BRINP3: variants seen among roughly 807,000 people sequenced by gnomAD.
BRINP3 encodes the protein BMP/retinoic acid inducible neural specific 3.
Under a neutral mutation model 71.0 loss-of-function variants are expected in BRINP3, and 19 were observed. That is an observed-to-expected ratio of 0.27 (90% CI 0.19 to 0.39). The LOEUF (loss-of-function observed/expected upper bound fraction) is 0.39. Ranked by LOEUF, BRINP3 falls within the 10% of genes least tolerant of loss-of-function variation. The probability of loss-of-function intolerance (pLI) is 1.00; values close to 1 mark genes in which losing one functional copy is unlikely to be tolerated. For synonymous variants in BRINP3, 380 were observed against 337.7 expected (o/e 1.13, Z -1.37); for missense variants, 959 against 940.8 (o/e 1.02, Z -0.25).
At chr1:190,468,718 A>G (rs1489936280) in intron 1 of BRINP3, among the ~76,000 whole-genome samples, 1 of 151,164 alleles carries the variant, frequency 6.6e-6, no homozygotes, top group African/African-American at 2.4e-5. Context: ...GCAAAATTGT[A>G]TATCTTTTGG....
chr1:190,188,638 ATGTAT>A (rs1653755293), intron 6 of BRINP3, among the ~76,000 whole-genome samples: 1 of 152,030 alleles, frequency 6.6e-6, no homozygotes. Flanking sequence ...TGTTCAGCTA[ATGTAT>A]TGTATCACAT....
chr1:190,420,641 G>T (rs1007905786), intron 2 of BRINP3, among the ~76,000 whole-genome samples: 11 of 151,842 alleles, frequency 7.2e-5, no homozygotes, highest in African/African-American at 2.4e-4. Context: ...TGGAGAAATG[G>T]CAACTTTCAT....
chr1:190,354,467 C>T (rs1662103), intron 2 of BRINP3, among the ~76,000 whole-genome samples: 113,623 of 151,178 alleles, frequency 0.75, 42,888 homozygotes, highest in Non-Finnish European at 0.79. Flanking sequence ...GCAGAGGGCT[C>T]GTCACTTAAA....
At chr1:190,272,781 A>G (rs540616925) in intron 3 of BRINP3, among the ~76,000 whole-genome samples, 5 of 151,640 alleles carry the variant, frequency 3.3e-5, no homozygotes, top group African/African-American at 1.2e-4. Context: ...TCTCTACAGT[A>G]TAATTTTAAT....
chr1:190,344,402 G>A (rs1293543361), intron 2 of BRINP3, among the ~76,000 whole-genome samples: 2 of 151,810 alleles, frequency 1.3e-5, no homozygotes, highest in Non-Finnish European at 3.0e-5. Context: ...CTACAGAGCT[G>A]TACTTCAACT....
At chr1:190,291,300 C>T (rs1286612977) in intron 2 of BRINP3, among the ~76,000 whole-genome samples, 1 of 151,928 alleles carries the variant, frequency 6.6e-6, no homozygotes, top group Non-Finnish European at 1.5e-5. Flanking sequence ...GTGCAGAGAA[C>T]ACAAGCACAG....
intron 2 of BRINP3, among the ~76,000 whole-genome samples, chr1:190,337,274 T>C (rs1185945623): frequency 1.3e-5 from 2 of 152,040 alleles, no homozygotes; most frequent in African/African-American, 2.4e-5. Flanking sequence ...TTTGTTGCCT[T>C]CTGTTGACTT....
At chr1:190,366,250 A>G (rs915219974) in intron 2 of BRINP3, among the ~76,000 whole-genome samples, 3 of 152,166 alleles carry the variant, frequency 2.0e-5, no homozygotes, top group Admixed American at 6.5e-5. Flanking sequence ...GGAAACTGTC[A>G]TGGCAGAAGA....
At chr1:190,364,623 A>G (rs61818781) in intron 2 of BRINP3, among the ~76,000 whole-genome samples, 12,166 of 152,008 alleles carry the variant, frequency 0.08, 666 homozygotes, top group Non-Finnish European at 0.12. Context: ...TATATATTTT[A>G]TGTAAAATTA....
At chr1:190,108,828 G>A (rs935846566) in intron 7 of BRINP3, among the ~76,000 whole-genome samples, 4 of 151,686 alleles carry the variant, frequency 2.6e-5, no homozygotes, top group African/African-American at 9.7e-5. Context: ...CTCTTTGGAT[G>A]ATATCAGCAA....
chr1:190,248,418 T>C (rs1659812477), intron 4 of BRINP3, among the ~76,000 whole-genome samples: 1 of 151,660 alleles, frequency 6.6e-6, no homozygotes, highest in Non-Finnish European at 1.5e-5. Flanking sequence ...GAAAATTATA[T>C]TTCACCAAAA....
intron 1 of BRINP3, among the ~76,000 whole-genome samples, chr1:190,475,311 G>T (rs954314660): frequency 1.3e-5 from 2 of 152,116 alleles, no homozygotes; most frequent in African/African-American, 2.4e-5. Context: ...AACGCAAAAA[G>T]GTACTAAGAG....
chr1:190,345,365 A>G (rs1250423522), intron 2 of BRINP3, among the ~76,000 whole-genome samples: 1 of 151,796 alleles, frequency 6.6e-6, no homozygotes, highest in Non-Finnish European at 1.5e-5. Context: ...TAGAGCTCAG[A>G]ATCGAAATAA....
chr1:190,437,413 T>A (rs1674535513), intron 2 of BRINP3, among the ~76,000 whole-genome samples: 1 of 151,854 alleles, frequency 6.6e-6, no homozygotes, highest in African/African-American at 2.4e-5. Flanking sequence ...ATAACTTCAC[T>A]TAATCCTTCT....
At chr1:190,111,038 C>T (rs558638728) in intron 7 of BRINP3, among the ~76,000 whole-genome samples, 2 of 151,448 alleles carry the variant, frequency 1.3e-5, no homozygotes, top group African/African-American at 2.4e-5. Flanking sequence ...ATTAGCCGGG[C>T]GTGGTGTTGG....
At chr1:190,338,611 C>T (rs1458032711) in intron 2 of BRINP3, among the ~76,000 whole-genome samples, 2 of 151,896 alleles carry the variant, frequency 1.3e-5, no homozygotes, top group Non-Finnish European at 2.9e-5. Context: ...AACGGAAATA[C>T]ACTGAACAAA....
chr1:190,408,203 ATTTTT>A (rs55768635), intron 2 of BRINP3, among the ~76,000 whole-genome samples: 80,057 of 141,322 alleles, frequency 0.57, 22,835 homozygotes, highest in Non-Finnish European at 0.65. Flanking sequence ...TTATTTATTT[ATTTTT>A]TTTTTTTTTG....
At chr1:190,374,224 GACATA>G (rs1360802192) in intron 2 of BRINP3, among the ~76,000 whole-genome samples, 1 of 151,916 alleles carries the variant, frequency 6.6e-6, no homozygotes, top group Non-Finnish European at 1.5e-5. Context: ...AAGTTTATAG[GACATA>G]ACATAATAAG....
intron 1 of BRINP3, among the ~76,000 whole-genome samples, chr1:190,457,566 G>GGTCA (rs747307290): frequency 6.6e-6 from 1 of 152,072 alleles, no homozygotes; most frequent in Non-Finnish European, 1.5e-5. Context: ...CTATTATAGA[G>GGTCA]GTCACCTCAT....
Sources: gnomAD v4.1 joint callset for allele counts (sites outside exome capture counted in the v4.1 genomes callset) on GRCh38, gnomAD v4.1.1 for gene constraint, MANE v1.5 for transcripts, NCBI Gene and HGNC (gene_info 2026-07-23, HGNC 2026-07-21) for gene names.